Variants in NRROS observed in about 807,000 individuals in gnomAD.
NRROS encodes negative regulator of reactive oxygen species.
Under a neutral mutation model 12.0 loss-of-function variants are expected in NRROS, and 6 were observed. The observed-to-expected ratio is 0.50, with a 90% CI of 0.27 to 0.98. NRROS has a LOEUF of 0.98. NRROS is among the 50% of genes least tolerant of loss of function. The pLI is 0.11. For synonymous variants in NRROS, 462 were observed against 410.2 expected (o/e 1.13, Z -1.53); for missense variants, 857 against 888.2 (o/e 0.96, Z 0.45).
intron 1 of NRROS, among the ~76,000 whole-genome samples, chr3:196,642,398 T>C (rs1277844858): frequency 6.6e-6 from 1 of 152,228 alleles, no homozygotes; most frequent in Non-Finnish European, 1.5e-5. Flanking sequence ...GGAATCCATC[T>C]GTCTCCTTTC....
intron 1 of NRROS, among the ~76,000 whole-genome samples, chr3:196,653,057 G>A (rs1737460743): frequency 6.6e-6 from 1 of 152,174 alleles, no homozygotes; most frequent in Non-Finnish European, 1.5e-5. Flanking sequence ...GTGATCCCAG[G>A]TTTCAGGGGC....
At position 196,660,501 on chromosome 3, in the gene NRROS, C is replaced by T. The variant is rs1737645899; in HGVS notation, c.858C>T (p.Phe286=). ...TGCTGCGCGACAACAACATGGGCTT[C>T]TACCGGGACCTGTACAACACCTCGT... ...TLLLRDNNMG[F]YRDLYNTSSP... The change falls in exon 3 of 3, where the codon TTC becomes TTT. Residue 286 remains phenylalanine (F), a synonymous_variant. Coordinates refer to ENST00000328557, the MANE Select transcript of NRROS (RefSeq NM_198565.3). The surrounding 1 kb of genome is among the most constrained non-coding windows in gnomAD (Gnocchi z 7.7). 3.1e-6 allele frequency: 5 copies of T among 1,614,064 alleles called. No homozygotes were observed.
intron 2 of NRROS, among the ~76,000 whole-genome samples, chr3:196,657,183 G>A (rs1348400904): frequency 2.2e-4 from 33 of 150,194 alleles, no homozygotes; most frequent in African/African-American, 7.4e-4. Context: ...CAGCCTGGGC[G>A]ACAGAGCAAG....
chr3:196,658,708 G>A (rs1412993868), intron 2 of NRROS, among the ~76,000 whole-genome samples: 4 of 152,214 alleles, frequency 2.6e-5, no homozygotes, highest in Non-Finnish European at 5.9e-5. Flanking sequence ...GCTCACGCCT[G>A]TAATCCCAGC....
chr3:196,653,103 C>A (rs60667153), intron 1 of NRROS, among the ~76,000 whole-genome samples: 1 of 152,102 alleles, frequency 6.6e-6, no homozygotes, highest in African/African-American at 2.4e-5. Flanking sequence ...AGGTCAGGAA[C>A]CCGTACACCT....
At position 196,660,819 on chromosome 3, in the gene NRROS, C is replaced by G. The variant is rs747599047; in HGVS notation, c.1176C>G (p.His392Gln). The stretch of plus-strand genomic sequence containing the variant: ...GCCACAACCAGCTGTCGGAGCTGCA[C>G]CTGGCTCCGGGGCTGGCCAGCTGCC... The part of the protein sequence containing the change: ...DLSHNQLSEL[H>Q]LAPGLASCLG... Residue 392 changes from histidine to glutamine, a missense_variant, in exon 3 of 3, where the codon CAC (histidine) becomes CAG (glutamine). Coordinates refer to ENST00000328557, the MANE Select transcript of NRROS (RefSeq NM_198565.3). This position sits in a 1 kb window ranked among gnomAD's most constrained non-coding sequence, Gnocchi z 7.7. 8.1e-6 allele frequency: 13 copies of G among 1,613,708 alleles called. No individual in the cohort carries two copies. The highest frequency in any genetic ancestry group is 8.5e-6 in the Non-Finnish European group (10 of 1,180,028).
chr3:196,660,820 C>A lies in NRROS; in HGVS notation c.1177C>A (p.Leu393Met). The A allele has an allele frequency of 6.2e-7, 1 of 1,613,704 alleles. No homozygotes were observed. The highest frequency in any genetic ancestry group is 1.1e-5 in the South Asian group (1 of 91,080). ...CCACAACCAGCTGTCGGAGCTGCAC[C>A]TGGCTCCGGGGCTGGCCAGCTGCCT... The part of the protein sequence containing the change: ...LSHNQLSELH[L>M]APGLASCLGS... Residue 393 changes from leucine (L) to methionine (M), a missense_variant, in exon 3 of 3, where the codon CTG (leucine) becomes ATG (methionine). Coordinates refer to ENST00000328557, the MANE Select transcript of NRROS (RefSeq NM_198565.3). The surrounding 1 kb of genome is among the most constrained non-coding windows in gnomAD (Gnocchi z 7.7).
rs1442247552 is a variant in NRROS at position 196,660,762 on chromosome 3, G to GC, written c.1125dup (p.Gly376ArgfsTer51). 6 of 1,613,652 alleles carry GC rather than the reference G, an allele frequency of 3.7e-6. No individual in the cohort carries two copies. Among genetic ancestry groups the GC allele is most frequent in the Non-Finnish European group, 3.4e-6 (4 of 1,180,026 alleles). ...TGACGCTTCACATTCGGGAGCACGA[G>GC]CCCCCCGGAGCGCTCACCGAGCTGG... On this transcript the variant is annotated frameshift_variant, in exon 3 of 3. Transcript: ENST00000328557. LOFTEE classifies it low-confidence loss of function (END_TRUNC). This position sits in a 1 kb window ranked among gnomAD's most constrained non-coding sequence, Gnocchi z 7.7.
rs376462491 is a variant in NRROS, at chr3:196,659,889, C to A, written c.246C>A (p.Leu82=). 1 of 1,614,032 alleles carries A rather than the reference C, an allele frequency of 6.2e-7. No individual in the cohort carries two copies. Among genetic ancestry groups the A allele is most frequent in the Non-Finnish European group, 8.5e-7 (1 of 1,180,004 alleles). Residue 82 remains leucine, a synonymous_variant, in exon 3 of 3, where the codon CTC becomes CTA. Coordinates refer to ENST00000328557, the MANE Select transcript of NRROS (RefSeq NM_198565.3). ...LWNHSLQPYP[L]LESLSLHSCH... is the part of the protein sequence containing the mutation. ...ATCACTCCCTCCAGCCTTACCCTCT[C>A]CTGGAGAGCCTCAGCCTGCACAGCT...
chr3:196,646,364 G>T (rs770164417), intron 1 of NRROS, among the ~76,000 whole-genome samples: 1 of 152,248 alleles, frequency 6.6e-6, no homozygotes, highest in Admixed American at 6.5e-5. Flanking sequence ...GCGGTTGAGC[G>T]CCTATCAGCA....
intron 1 of NRROS, among the ~76,000 whole-genome samples, chr3:196,642,243 T>C (rs1411948686): frequency 6.6e-6 from 1 of 151,518 alleles, no homozygotes; most frequent in African/African-American, 2.4e-5. Context: ...GATAGATTGG[T>C]TTGGTAGCAA....
chr3:196,647,919 C>T (rs767293712), intron 1 of NRROS, among the ~76,000 whole-genome samples: 27 of 152,196 alleles, frequency 1.8e-4, no homozygotes, highest in Non-Finnish European at 3.8e-4. Context: ...CCAGGCTGGT[C>T]TCGAACCCCT....
Position 196,661,546 on chromosome 3 carries a change from G to A in NRROS, c.1903G>A (p.Gly635Arg), listed in dbSNP as rs756349236. The change falls in exon 3 of 3, where the codon GGA (glycine) becomes AGA (arginine). Residue 635 changes from glycine (G) to arginine (R), a missense_variant. Coordinates refer to ENST00000328557, the MANE Select transcript of NRROS (RefSeq NM_198565.3). ...GATCATCCGCGTGACGGAGCTGCCC[G>A]GAGGTGTGCCTCGGGACTGCAAGTG... ...SKIIRVTELP[G>R]GVPRDCKWER... The A allele has an allele frequency of 1.4e-5, 23 of 1,613,906 alleles. No individual in the cohort carries two copies. Among genetic ancestry groups the A allele is most frequent in the African/African-American group, 5.3e-5 (4 of 74,924 alleles).
In NRROS at chr3:196,654,324, G is replaced by C. The variant is rs1737490645; in HGVS notation, c.-13-203G>C. On this transcript the variant is annotated intron_variant, in intron 1 of 2. Coordinates refer to ENST00000328557, the MANE Select transcript of NRROS (RefSeq NM_198565.3). This position sits in a 1 kb window ranked among gnomAD's most constrained non-coding sequence, Gnocchi z 4.4. Reference sequence around the variant, plus strand: ...CAAGTGGTAGAGGCAAAATGAAATTGAGTTCTTGTCAACAGTTTCAGTGAA... The same window carrying C: ...CAAGTGGTAGAGGCAAAATGAAATTCAGTTCTTGTCAACAGTTTCAGTGAA... Among the ~76,000 whole-genome samples the C allele has an allele frequency of 6.6e-6, 1 of 152,194 alleles. No individual in the cohort carries two copies. The highest frequency in any genetic ancestry group is 6.5e-5 in the Admixed American group (1 of 15,284).
chr3:196,653,433 A>C (rs574207516), intron 1 of NRROS, among the ~76,000 whole-genome samples: 107 of 152,350 alleles, frequency 7.0e-4, no homozygotes, highest in Non-Finnish European at 1.2e-3. Flanking sequence ...TGGAGCGAGC[A>C]GGTGGGGTGA....
At chr3:196,655,692 C>T (rs1737525751) in intron 2 of NRROS, among the ~76,000 whole-genome samples, 2 of 152,212 alleles carry the variant, frequency 1.3e-5, no homozygotes, top group African/African-American at 4.8e-5. Flanking sequence ...GGAGGACTTG[C>T]TGCCATGCCA....
At chr3:196,657,249 G>A (rs1206645012) in intron 2 of NRROS, among the ~76,000 whole-genome samples, 4 of 151,684 alleles carry the variant, frequency 2.6e-5, no homozygotes, top group African/African-American at 9.7e-5. Flanking sequence ...AAGCTTTTCT[G>A]GGATGGCCAT....
intron 1 of NRROS, among the ~76,000 whole-genome samples, chr3:196,648,749 A>C (rs1300900893): frequency 1.5e-5 from 2 of 134,950 alleles, no homozygotes; most frequent in Non-Finnish European, 3.1e-5. Context: ...CTGGGCAACA[A>C]GAGTGAAACT....
intron 1 of NRROS, among the ~76,000 whole-genome samples, chr3:196,649,029 C>T (rs1737362119): frequency 6.6e-6 from 1 of 152,146 alleles, no homozygotes; most frequent in Non-Finnish European, 1.5e-5. Flanking sequence ...AGGACAGTAC[C>T]CTGTTTCCTA....
Sources: gnomAD v4.1 joint callset for allele counts (sites outside exome capture counted in the v4.1 genomes callset) on GRCh38, gnomAD v4.1.1 for gene constraint, Gnocchi (gnomAD v3.1) non-coding constraint, MANE v1.5 for transcripts, NCBI Gene and HGNC (gene_info 2026-07-23, HGNC 2026-07-21) for gene names.